Variants in SHTN1 observed in about 807,000 individuals in gnomAD.
SHTN1 encodes shootin-1.
In SHTN1, 42 loss-of-function variants were observed where a neutral mutation model predicts 83.1. The ratio of observed to expected loss-of-function variants is 0.51; its 90% confidence interval spans 0.39 to 0.65. SHTN1 has a LOEUF of 0.65. Ranked by LOEUF, SHTN1 falls within the 30% of genes least tolerant of loss-of-function variation. The pLI is 0.00. For missense variants in SHTN1, 622 were observed against 737.8 expected (o/e 0.84, Z 1.82); for synonymous variants, 224 against 247.7 (o/e 0.90, Z 0.90).
At chr10:116,900,872 T>G (rs968398471) in intron 16 of SHTN1, 1 of 985,056 alleles carries the variant, frequency 1.0e-6, no homozygotes, top group African/African-American at 1.7e-5. Context: ...AAAAAGTTAA[T>G]AGTAGCAATG....
intron 12 of SHTN1, among the ~76,000 whole-genome samples, chr10:116,917,739 T>C (rs1396872314): frequency 1.3e-5 from 2 of 152,216 alleles, no homozygotes; most frequent in Non-Finnish European, 2.9e-5. Flanking sequence ...TTTAAAGTAG[T>C]TTCTTATATT....
intron 1 of SHTN1, among the ~76,000 whole-genome samples, chr10:117,122,600 T>A (rs1032438668): frequency 3.0e-4 from 46 of 152,200 alleles, no homozygotes; most frequent in African/African-American, 1.1e-3. Flanking sequence ...TCACCTCACA[T>A]CTCTTAGGAC....
At chr10:116,946,861 G>A (rs7093979) in intron 7 of SHTN1, among the ~76,000 whole-genome samples, 149,642 of 151,664 alleles carry the variant, frequency 0.99, 73,853 homozygotes, top group East Asian at 1. Flanking sequence ...GGGATTACAG[G>A]CAGGTGCGTG....
chr10:117,083,254 T>G (rs2133613654), intron 1 of SHTN1, among the ~76,000 whole-genome samples: 1 of 138,334 alleles, frequency 7.2e-6, no homozygotes, highest in East Asian at 2.0e-4. Context: ...CTCTCAGCAT[T>G]TGCTTGTCTG....
chr10:117,005,091 G>A lies in SHTN1; in HGVS notation c.-12C>T, dbSNP rs772033625. The stretch of plus-strand genomic sequence containing the variant: ...TCCGAGCTGTTCATTTTGGCGGGTG[G>A]GGCCGGGAATAAAAGGGAAAGAGGG... On this transcript the variant is annotated 5_prime_UTR_variant, in exon 1 of 17. Transcript: ENST00000355371. 20 of 1,589,886 alleles carry A rather than the reference G, an allele frequency of 1.3e-5. No homozygotes were observed. Among genetic ancestry groups the A allele is most frequent in the Middle Eastern group, 3.3e-4 (2 of 6,024 alleles).
At position 117,055,426 on chromosome 10, in the gene SHTN1, C is replaced by G. The variant is rs150939744; in HGVS notation, c.-188-6916G>C. ...CAGACTTTGGTTTTTCCATTAACAC[C>G]AGGGTTGAAGAGGAAGGGGAAATAG... is the stretch of plus-strand genomic sequence containing the variant. On this transcript the variant is annotated intron_variant, in intron 1 of 17. Transcript: ENST00000392901. 1.3e-3 allele frequency among the ~76,000 whole-genome samples: 197 copies of G among 152,224 alleles called. 1 individual carries two copies. Among genetic ancestry groups the G allele is most frequent in the African/African-American group, 4.6e-3 (190 of 41,528 alleles).
At chr10:117,093,936 G>C (rs1056174221) in intron 1 of SHTN1, among the ~76,000 whole-genome samples, 2 of 152,282 alleles carry the variant, frequency 1.3e-5, no homozygotes, top group Middle Eastern at 3.4e-3. Flanking sequence ...GGAAAACATG[G>C]AGCTTCCTGG....
At chr10:117,070,794 C>T (rs550424066) in intron 1 of SHTN1, among the ~76,000 whole-genome samples, 2 of 151,590 alleles carry the variant, frequency 1.3e-5, no homozygotes, top group South Asian at 2.1e-4. Context: ...AATTCAACGT[C>T]GAATCCTTTC....
chr10:116,899,128 C>T (rs1847628566), intron 16 of SHTN1, among the ~76,000 whole-genome samples: 1 of 152,054 alleles, frequency 6.6e-6, no homozygotes. Flanking sequence ...GTGTGTAAGA[C>T]ACACCAGTAG....
intron 1 of SHTN1, among the ~76,000 whole-genome samples, chr10:117,064,740 T>C (rs1269290714): frequency 6.6e-6 from 1 of 151,978 alleles, no homozygotes; most frequent in African/African-American, 2.4e-5. Flanking sequence ...ATCACCATTA[T>C]TGCCCAAAGT....
chr10:117,004,518 C>A (rs1851938839), intron 1 of SHTN1, among the ~76,000 whole-genome samples: 1 of 152,040 alleles, frequency 6.6e-6, no homozygotes, highest in Non-Finnish European at 1.5e-5. Flanking sequence ...AAATTATGGC[C>A]TGAAAATCCC....
intron 8 of SHTN1, 84 bp downstream of exon 8, chr10:116,944,840 G>A (rs1373614198): frequency 1.9e-5 from 16 of 832,710 alleles, no homozygotes; most frequent in Admixed American, 3.7e-5. Context: ...GCAGTGAGCC[G>A]AGATTGCGCC....
At chr10:116,941,949 GA>G (rs1849386311) in intron 8 of SHTN1, among the ~76,000 whole-genome samples, 1 of 152,172 alleles carries the variant, frequency 6.6e-6, no homozygotes, top group Non-Finnish European at 1.5e-5. Context: ...TTCTTCTGCA[GA>G]ATTAAAACAC....
At chr10:116,910,876 C>G (rs1848164506) in intron 14 of SHTN1, among the ~76,000 whole-genome samples, 1 of 152,236 alleles carries the variant, frequency 6.6e-6, no homozygotes, top group Non-Finnish European at 1.5e-5. Context: ...TAATCCCACT[C>G]ACTTAAAACT....
rs117312050 is a variant in SHTN1, at chr10:116,952,027, A to T, written c.437-21T>A. The T allele has an allele frequency of 6.4e-3, 7,953 of 1,247,974 alleles. 44 individuals are homozygous for T. Among genetic ancestry groups the T allele is most frequent in the Non-Finnish European group, 7.7e-3 (7,047 of 917,356 alleles). 77.3% of individuals were successfully genotyped at this position (1,247,974 alleles called of 1,614,324 possible). A position where few individuals can be genotyped will look rare whatever the true frequency, so the allele number is the denominator to read the frequency against. On this transcript the variant is annotated intron_variant, in intron 5 of 16. Coordinates refer to ENST00000355371, the MANE Select transcript of SHTN1 (RefSeq NM_001127211.3). ...AAGTTCTGCATTTTTAAAGAAAAAA[A>T]ATATATAAATAAACTTATTTTTAAA... is the stretch of plus-strand genomic sequence containing the variant.
intron 16 of SHTN1, among the ~76,000 whole-genome samples, chr10:116,890,968 T>C (rs1454525249): frequency 6.6e-6 from 1 of 152,238 alleles, no homozygotes; most frequent in Non-Finnish European, 1.5e-5. Flanking sequence ...ACGTTCCAAC[T>C]ATATTCAACA....
At chr10:117,010,093 G>A (rs1479464287), upstream of SHTN1, among the ~76,000 whole-genome samples, 1 of 151,716 alleles carries the variant, frequency 6.6e-6, no homozygotes, top group Non-Finnish European at 1.5e-5. Context: ...AGATTAGAGT[G>A]GAGATAAAAT....
intron 2 of SHTN1, among the ~76,000 whole-genome samples, chr10:116,975,135 C>T (rs1850752790): frequency 6.6e-6 from 1 of 151,862 alleles, no homozygotes; most frequent in Non-Finnish European, 1.5e-5. Flanking sequence ...TTCCATAATC[C>T]CCATTTATCT....
Position 116,884,345 on chromosome 10 carries a change from T to C in SHTN1, c.*1999A>G, listed in dbSNP as rs1301226894. The C allele has an allele frequency of 1.6e-5, 7 of 438,336 alleles. No individual in the cohort carries two copies. Among genetic ancestry groups the C allele is most frequent in the Non-Finnish European group, 3.3e-5 (7 of 213,536 alleles). The allele number at this position is 438,336 out of a possible 1,614,324, so 27.2% of individuals were successfully genotyped here. A position where few individuals can be genotyped will look rare whatever the true frequency, so the allele number is the denominator to read the frequency against. ...GGCAGAAAAAGGTGAGTGAATATCT[T>C]CCATCAAATACCTTCATGTCAAATT... On this transcript the variant is annotated 3_prime_UTR_variant, in exon 17 of 17. Coordinates refer to ENST00000355371, the MANE Select transcript of SHTN1 (RefSeq NM_001127211.3).
Sources: gnomAD v4.1 joint callset for allele counts (sites outside exome capture counted in the v4.1 genomes callset) on GRCh38, gnomAD v4.1.1 for gene constraint, MANE v1.5 for transcripts, NCBI Gene and HGNC (gene_info 2026-07-23, HGNC 2026-07-21) for gene names.